Variants in SLC22A16 observed in about 807,000 individuals in gnomAD.
SLC22A16 encodes the protein solute carrier family 22 member 16.
A neutral mutation model predicts 52.9 loss-of-function variants in SLC22A16; 53 were observed. The ratio of observed to expected loss-of-function variants is 1.00; its 90% CI spans 0.80 to 1.26. The LOEUF (loss-of-function observed/expected upper bound fraction) is 1.26. Ranked by LOEUF, SLC22A16 falls within the 50% of genes most tolerant of loss-of-function variation. SLC22A16 has a pLI of 0.00. For missense variants in SLC22A16, 726 were observed against 704.0 expected (o/e 1.03, Z -0.35); for synonymous variants, 291 against 268.8 (o/e 1.08, Z -0.81).
chr6:110,450,504 C>G (rs1044653665), intron 2 of SLC22A16, among the ~76,000 whole-genome samples: 1 of 145,508 alleles, frequency 6.9e-6, no homozygotes, highest in Non-Finnish European at 1.5e-5. Flanking sequence ...CCCAGCTACT[C>G]GGGAGGCTGA....
At chr6:110,452,459 C>T (rs182776849) in intron 2 of SLC22A16, among the ~76,000 whole-genome samples, 482 of 152,224 alleles carry the variant, frequency 3.2e-3, no homozygotes, top group African/African-American at 0.011. Flanking sequence ...ACTGGCTAGA[C>T]TATCCAGTAC....
intron 2 of SLC22A16, 88 bp from the exon 3 acceptor site, chr6:110,447,078 A>G: frequency 1.0e-6 from 1 of 974,548 alleles, no homozygotes; most frequent in Non-Finnish European, 1.6e-6. Flanking sequence ...GATAGGCATT[A>G]CCTATATACC....
chr6:110,474,996 T>G (rs1350673645), intron 1 of SLC22A16: 1 of 518,962 alleles, frequency 1.9e-6, no homozygotes, highest in East Asian at 5.4e-5. Context: ...TTTTCACTAC[T>G]CCTATTTGAA....
At chr6:110,427,260 A>AAAAAAAG (rs538137410) in intron 7 of SLC22A16, among the ~76,000 whole-genome samples, 2,576 of 137,896 alleles carry the variant, frequency 0.019, 113 homozygotes, top group Admixed American at 0.062. Context: ...AAAAAAAAAA[A>AAAAAAAG]AAAAGAAAAA....
chr6:110,427,495 C>T (rs1266859731), intron 7 of SLC22A16, among the ~76,000 whole-genome samples: 2 of 152,132 alleles, frequency 1.3e-5, no homozygotes, highest in Admixed American at 6.5e-5. Flanking sequence ...CTTAGAACAG[C>T]GCCTGGCTGC....
intron 1 of SLC22A16, among the ~76,000 whole-genome samples, chr6:110,467,825 T>C (rs1043763757): frequency 2.0e-5 from 3 of 152,256 alleles, no homozygotes; most frequent in Admixed American, 6.5e-5. Context: ...TTGACTTCTA[T>C]GCACACATTC....
intron 5 of SLC22A16, among the ~76,000 whole-genome samples, chr6:110,437,862 A>T (rs1292085632): frequency 1.3e-5 from 2 of 152,186 alleles, no homozygotes; most frequent in Admixed American, 1.3e-4. Context: ...AGTGTTTCTC[A>T]CTAAGAAACT....
intron 1 of SLC22A16, among the ~76,000 whole-genome samples, chr6:110,470,730 C>G (rs375096835): frequency 6.6e-6 from 1 of 152,096 alleles, no homozygotes; most frequent in Non-Finnish European, 1.5e-5. Flanking sequence ...CCCTGGCAGG[C>G]CTCTGAAGCT....
chr6:110,428,349 G>T lies in SLC22A16; in HGVS notation c.1521+2822C>A, dbSNP rs569529965. On this transcript the variant is annotated intron_variant, in intron 7 of 7. Coordinates refer to ENST00000368919, the MANE Select transcript of SLC22A16 (RefSeq NM_033125.4). ...AAATATACACCACACCCTGTGGCCAGAGCTGTCTTAGAGAAGGGATGGGCC... is the reference window on the plus strand; with the variant it reads ...AAATATACACCACACCCTGTGGCCATAGCTGTCTTAGAGAAGGGATGGGCC... 2.3e-5 allele frequency among the ~76,000 whole-genome samples: 3 copies of T among 132,106 alleles called. No homozygotes were observed. In the South Asian group the frequency reaches 7.8e-4, roughly 34 times the overall value. The allele number at this position is 132,106 out of a possible 152,430, so 86.7% of individuals were successfully genotyped here.
intron 2 of SLC22A16, among the ~76,000 whole-genome samples, chr6:110,454,838 TA>T (rs1775564087): frequency 1.3e-5 from 1 of 78,156 alleles, no homozygotes; most frequent in Admixed American, 2.3e-4. Flanking sequence ...ATAATATATA[TA>T]TTATAATATA....
intron 1 of SLC22A16, among the ~76,000 whole-genome samples, chr6:110,475,275 C>T (rs1776422184): frequency 6.6e-6 from 1 of 152,088 alleles, no homozygotes; most frequent in Non-Finnish European, 1.5e-5. Context: ...TGATGGGCAT[C>T]CAATGGCATC....
chr6:110,452,715 T>C (rs1292512309), intron 2 of SLC22A16, among the ~76,000 whole-genome samples: 1 of 152,194 alleles, frequency 6.6e-6, no homozygotes, highest in African/African-American at 2.4e-5. Context: ...ATTTTAAACT[T>C]CACAAGTAAG....
chr6:110,425,527 C>T (rs1774226595), intron 7 of SLC22A16: 1 of 564,522 alleles, frequency 1.8e-6, no homozygotes. Flanking sequence ...ATAATCAGTA[C>T]ACTATCAGGG....
In SLC22A16 at chr6:110,438,863, C is replaced by T. The variant is rs1225120033; in HGVS notation, c.1184-16G>A. 2 of 1,613,164 alleles carry T rather than the reference C, an allele frequency of 1.2e-6. No homozygotes were observed. The highest frequency in any genetic ancestry group is 3.3e-5 in the Admixed American group (2 of 59,964). On this transcript the variant is annotated splice_polypyrimidine_tract_variant and intron_variant, in intron 4 of 7. Transcript: ENST00000368919. ...TCCACTACACCTGTCATTGAGCAAG[C>T]AGCCCTCTATAAGTCTAGGTACCCG...
intron 6 of SLC22A16, among the ~76,000 whole-genome samples, chr6:110,434,717 T>C (rs971818058): frequency 6.6e-6 from 1 of 152,150 alleles, no homozygotes; most frequent in African/African-American, 2.4e-5. Flanking sequence ...TGGTGGCTCA[T>C]GCCTGTAATC....
At chr6:110,443,205 T>A (rs973526903) in intron 3 of SLC22A16, among the ~76,000 whole-genome samples, 1 of 152,204 alleles carries the variant, frequency 6.6e-6, no homozygotes, top group Non-Finnish European at 1.5e-5. Flanking sequence ...TTAATTAAAA[T>A]TCTATTTTGA....
chr6:110,454,718 A>T (rs1775541564), intron 2 of SLC22A16, among the ~76,000 whole-genome samples: 1 of 73,554 alleles, frequency 1.4e-5, no homozygotes, highest in African/African-American at 5.9e-5. Context: ...TATATATTTT[A>T]TATATATTAT....
chr6:110,468,544 G>A (rs916790776), intron 1 of SLC22A16, among the ~76,000 whole-genome samples: 2 of 151,862 alleles, frequency 1.3e-5, no homozygotes. Flanking sequence ...TACTAAGGAG[G>A]CTGAGACAGG....
chr6:110,433,144 A>G (rs1311632468), intron 6 of SLC22A16, among the ~76,000 whole-genome samples: 1 of 152,190 alleles, frequency 6.6e-6, no homozygotes, highest in African/African-American at 2.4e-5. Context: ...ATGGAGGAAG[A>G]AGAAAAACTC....
Sources: gnomAD v4.1 joint callset for allele counts (sites outside exome capture counted in the v4.1 genomes callset) on GRCh38, gnomAD v4.1.1 for gene constraint, MANE v1.5 for transcripts, NCBI Gene and HGNC (gene_info 2026-07-23, HGNC 2026-07-21) for gene names.